The following KCNIP4 variants were observed in gnomAD, a reference collection of about 807,000 sequenced individuals.
The protein encoded by KCNIP4 is potassium voltage-gated channel interacting protein 4, also known as Kv channel-interacting protein 4.
In KCNIP4, 12 loss-of-function variants were observed where a neutral mutation model predicts 34.0. The ratio of observed to expected loss-of-function variants is 0.35; its 90% CI spans 0.23 to 0.57. KCNIP4 has a LOEUF of 0.57. Among genes scored for constraint, KCNIP4 ranks in the 20% least tolerant of loss-of-function variants. The probability of loss-of-function intolerance (pLI) is 0.83; values close to 1 mark genes in which losing one functional copy is unlikely to be tolerated. For synonymous variants in KCNIP4, 124 were observed against 102.2 expected, an observed-to-expected ratio of 1.21 and a Z score of -1.29; for missense variants, 238 against 311.7, an observed-to-expected ratio of 0.76 and a Z score of 1.78.
At chr4:21,697,740 TG>T in intron 1 of KCNIP4, 1 of 1,085,964 alleles carries the variant, frequency 9.2e-7, no homozygotes, top group Non-Finnish European at 1.1e-6. Context: ...AACCCAGCTC[TG>T]GTTCGGCTCG....
chr4:21,841,277 T>C (rs1723660440), intron 1 of KCNIP4, among the ~76,000 whole-genome samples: 1 of 152,140 alleles, frequency 6.6e-6, no homozygotes. Flanking sequence ...AAAAGGTCCA[T>C]ACAGATCATT....
At chr4:21,351,619 A>G (rs973722241) in intron 1 of KCNIP4, among the ~76,000 whole-genome samples, 1 of 152,206 alleles carries the variant, frequency 6.6e-6, no homozygotes, top group Non-Finnish European at 1.5e-5. Flanking sequence ...ATTTTGGAAT[A>G]GGGCATTTAA....
At chr4:21,756,248 T>C (rs1271421234) in intron 1 of KCNIP4, among the ~76,000 whole-genome samples, 3 of 152,148 alleles carry the variant, frequency 2.0e-5, no homozygotes, top group African/African-American at 7.2e-5. Flanking sequence ...TTTAAAATAG[T>C]TGAAGTATTA....
rs150163834 is a variant in KCNIP4, at chr4:21,334,330, T to C, written c.62-451621A>G. 4.5e-3 allele frequency among the ~76,000 whole-genome samples: 684 copies of C among 151,984 alleles called. 8 individuals are homozygous for C. Among genetic ancestry groups the C allele is most frequent in the African/African-American group, 0.015 (642 of 41,500 alleles). On this transcript the variant is annotated intron_variant, in intron 1 of 8. Transcript: ENST00000382152. Reference sequence around the variant, plus strand: ...CTATGTACTAAGATCTCCAAAAAAATAATGTTAACTTTGGCTTCAGAATGA... The same window carrying C: ...CTATGTACTAAGATCTCCAAAAAAACAATGTTAACTTTGGCTTCAGAATGA...
intron 1 of KCNIP4, among the ~76,000 whole-genome samples, chr4:21,448,950 A>T (rs1264461778): frequency 6.6e-6 from 1 of 152,234 alleles, no homozygotes; most frequent in Non-Finnish European, 1.5e-5. Context: ...GCAAAAATAA[A>T]GAAGGTTATT....
At chr4:21,477,781 C>T (rs1162974316) in intron 1 of KCNIP4, among the ~76,000 whole-genome samples, 2 of 152,272 alleles carry the variant, frequency 1.3e-5, no homozygotes, top group Middle Eastern at 3.4e-3. Flanking sequence ...AAGCAAGTCC[C>T]ATTGGGGACT....
intron 1 of KCNIP4, among the ~76,000 whole-genome samples, chr4:21,431,290 A>G (rs1226906380): frequency 6.6e-6 from 1 of 152,114 alleles, no homozygotes; most frequent in Non-Finnish European, 1.5e-5. Context: ...AGGATATTCT[A>G]ACTAAATTCA....
chr4:20,909,240 T>C (rs1314678039), intron 1 of KCNIP4, among the ~76,000 whole-genome samples: 1 of 152,220 alleles, frequency 6.6e-6, no homozygotes, highest in Non-Finnish European at 1.5e-5. Context: ...TTTGTTATTT[T>C]ACTTTCGTGT....
At chr4:21,012,638 T>C (rs1179317611) in intron 1 of KCNIP4, among the ~76,000 whole-genome samples, 1 of 152,204 alleles carries the variant, frequency 6.6e-6, no homozygotes, top group Non-Finnish European at 1.5e-5. Context: ...GATATATGTA[T>C]GTTTTGTATA....
chr4:21,451,432 A>T (rs2109744030), intron 1 of KCNIP4, among the ~76,000 whole-genome samples: 1 of 152,278 alleles, frequency 6.6e-6, no homozygotes, highest in Non-Finnish European at 1.5e-5. Context: ...TTAAAGTCAA[A>T]AAATAGTTTT....
chr4:20,896,092 C>T (rs1205168127), intron 1 of KCNIP4, among the ~76,000 whole-genome samples: 4 of 152,066 alleles, frequency 2.6e-5, no homozygotes, highest in South Asian at 2.1e-4. Context: ...GTCTGGCAAC[C>T]TTTTGTCTGC....
chr4:21,934,929 T>C (rs557332072), intron 1 of KCNIP4, among the ~76,000 whole-genome samples: 1 of 152,118 alleles, frequency 6.6e-6, no homozygotes, highest in Admixed American at 6.5e-5. Context: ...ACCCCAAATA[T>C]AATATTGAAC....
At chr4:21,706,551 A>C (rs748655474) in intron 1 of KCNIP4, among the ~76,000 whole-genome samples, 1 of 152,192 alleles carries the variant, frequency 6.6e-6, no homozygotes, top group Non-Finnish European at 1.5e-5. Flanking sequence ...AGAAGGCCAA[A>C]GTCCAAATAT....
At chr4:21,524,443 T>C (rs1473857127) in intron 1 of KCNIP4, among the ~76,000 whole-genome samples, 1 of 152,218 alleles carries the variant, frequency 6.6e-6, no homozygotes, top group Non-Finnish European at 1.5e-5. Context: ...CCTGAAGTGT[T>C]GTCTCATTGA....
chr4:21,441,284 G>C (rs933949765), intron 1 of KCNIP4, among the ~76,000 whole-genome samples: 4 of 151,858 alleles, frequency 2.6e-5, no homozygotes, highest in African/African-American at 9.7e-5. Context: ...TGGGACTACA[G>C]GTGCCCACCA....
intron 3 of KCNIP4, among the ~76,000 whole-genome samples, chr4:20,809,724 T>C (rs913729788): frequency 2.0e-5 from 3 of 152,234 alleles, no homozygotes; most frequent in African/African-American, 7.2e-5. Flanking sequence ...TCTCTTGTAA[T>C]ATCATATAAA....
chr4:21,774,513 T>C (rs1490918649), intron 1 of KCNIP4, among the ~76,000 whole-genome samples: 2 of 152,180 alleles, frequency 1.3e-5, no homozygotes, highest in Non-Finnish European at 2.9e-5. Context: ...TTCTCCTGGG[T>C]AATATCCTGA....
chr4:21,690,549 C>T (rs970716114), intron 1 of KCNIP4, among the ~76,000 whole-genome samples: 4 of 152,142 alleles, frequency 2.6e-5, no homozygotes, highest in South Asian at 2.1e-4. Context: ...CACATCTGCT[C>T]GCCTTTCACT....
At chr4:21,331,780 T>C (rs1490135279) in intron 1 of KCNIP4, among the ~76,000 whole-genome samples, 1 of 152,118 alleles carries the variant, frequency 6.6e-6, no homozygotes, top group South Asian at 2.1e-4. Flanking sequence ...CCATGAAATG[T>C]CTTCTAATCT....
Sources: allele counts gnomAD v4.1 joint callset (sites outside exome capture counted in the v4.1 genomes callset), GRCh38; gene constraint gnomAD v4.1.1; transcripts MANE v1.5; gene names NCBI Gene and HGNC (gene_info 2026-07-23, HGNC 2026-07-21).